GRIK2: variants seen among roughly 807,000 people sequenced by gnomAD.
The protein encoded by GRIK2 is glutamate ionotropic receptor kainate type subunit 2.
GRIK2 carries 32 observed loss-of-function variants against 100.3 expected under a neutral mutation model. The observed-to-expected ratio is 0.32, with a 90% CI of 0.24 to 0.43. GRIK2 has a LOEUF of 0.43. Ranked by LOEUF, GRIK2 falls within the 20% of genes least tolerant of loss-of-function variation. The pLI is 1.00. For missense variants in GRIK2, 843 were observed against 1,114.9 expected (o/e 0.76, Z 3.47); for synonymous variants, 417 against 389.4 (o/e 1.07, Z -0.83).
chr6:101,844,102 AAAAG>A (rs1324668917), intron 10 of GRIK2, among the ~76,000 whole-genome samples: 20 of 152,330 alleles, frequency 1.3e-4, no homozygotes, highest in African/African-American at 4.1e-4. Context: ...AATCAAGAAA[AAAAG>A]AAAGTAAAGG....
At chr6:101,682,240 G>A in intron 5 of GRIK2, among the ~76,000 whole-genome samples, 1 of 152,158 alleles carries the variant, frequency 6.6e-6, no homozygotes, top group South Asian at 2.1e-4. Context: ...CGTTACGAAT[G>A]TAACAAATTA....
intron 14 of GRIK2, among the ~76,000 whole-genome samples, chr6:101,976,312 G>A (rs988652602): frequency 1.3e-5 from 2 of 151,828 alleles, no homozygotes; most frequent in African/African-American, 2.4e-5. Context: ...TGGAATAAAT[G>A]GCTATATTTT....
intron 9 of GRIK2, among the ~76,000 whole-genome samples, chr6:101,816,552 G>A (rs901449992): frequency 6.6e-6 from 1 of 152,162 alleles, no homozygotes; most frequent in African/African-American, 2.4e-5. Flanking sequence ...TTAGCCGAGC[G>A]TGTTGGCGGG....
chr6:101,574,251 G>A (rs1441687139), intron 2 of GRIK2, among the ~76,000 whole-genome samples: 1 of 148,206 alleles, frequency 6.7e-6, no homozygotes, highest in African/African-American at 2.5e-5. Flanking sequence ...TTTTAGTTGA[G>A]GTAACTGTTG....
intron 9 of GRIK2, among the ~76,000 whole-genome samples, chr6:101,807,923 A>G (rs974898129): frequency 3.3e-5 from 5 of 152,074 alleles, no homozygotes; most frequent in African/African-American, 1.2e-4. Context: ...GAAGAATAGC[A>G]AAAATAAAAA....
chr6:101,538,066 G>A (rs921977063), intron 2 of GRIK2, among the ~76,000 whole-genome samples: 3 of 151,842 alleles, frequency 2.0e-5, no homozygotes, highest in Middle Eastern at 3.4e-3. Flanking sequence ...CAACAAGACT[G>A]TTCATAATAG....
intron 7 of GRIK2, among the ~76,000 whole-genome samples, chr6:101,788,240 G>A (rs1235990234): frequency 2.0e-5 from 3 of 150,640 alleles, no homozygotes; most frequent in Non-Finnish European, 4.4e-5. Flanking sequence ...TTAAGTTTTA[G>A]GGTACATGTG....
intron 2 of GRIK2, among the ~76,000 whole-genome samples, chr6:101,590,632 A>G (rs1042652720): frequency 6.6e-6 from 1 of 151,934 alleles, no homozygotes; most frequent in African/African-American, 2.4e-5. Flanking sequence ...GGATACCCTC[A>G]CACGTATTTT....
At chr6:101,562,484 A>AT (rs1400219604) in intron 2 of GRIK2, among the ~76,000 whole-genome samples, 3 of 151,722 alleles carry the variant, frequency 2.0e-5, no homozygotes, top group Non-Finnish European at 2.9e-5. Context: ...GATTACAGGC[A>AT]TGCACCACCA....
chr6:101,480,809 ATAT>A (rs1361598251), intron 2 of GRIK2, among the ~76,000 whole-genome samples: 1 of 152,198 alleles, frequency 6.6e-6, no homozygotes, highest in Non-Finnish European at 1.5e-5. Context: ...GGTCCTGGAA[ATAT>A]TAACCCATTA....
intron 7 of GRIK2, among the ~76,000 whole-genome samples, chr6:101,725,203 T>C (rs1774776541): frequency 6.6e-6 from 1 of 152,064 alleles, no homozygotes; most frequent in African/African-American, 2.4e-5. Flanking sequence ...AGCTATTGAT[T>C]TCTTTCCCTA....
chr6:101,926,303 C>T (rs1400377662), intron 13 of GRIK2, among the ~76,000 whole-genome samples: 1 of 149,908 alleles, frequency 6.7e-6, no homozygotes, highest in Non-Finnish European at 1.5e-5. Flanking sequence ...CGTCATATGG[C>T]ACAAGGTTAT....
intron 7 of GRIK2, among the ~76,000 whole-genome samples, chr6:101,721,694 A>G (rs1028531224): frequency 6.6e-6 from 1 of 151,754 alleles, no homozygotes; most frequent in Non-Finnish European, 1.5e-5. Context: ...TTTCTTTATT[A>G]CCTCTTTTAA....
intron 7 of GRIK2, among the ~76,000 whole-genome samples, chr6:101,785,911 A>G (rs897618395): frequency 4.6e-5 from 7 of 152,084 alleles, no homozygotes; most frequent in Non-Finnish European, 8.8e-5. Context: ...TGTTTTGGGT[A>G]GTATGGCCAT....
chr6:101,457,868 C>A (rs1272430709), intron 2 of GRIK2, among the ~76,000 whole-genome samples: 1 of 152,086 alleles, frequency 6.6e-6, no homozygotes, highest in Non-Finnish European at 1.5e-5. Context: ...AGGTAAGGAT[C>A]ATTCAATGTG....
intron 2 of GRIK2, among the ~76,000 whole-genome samples, chr6:101,566,995 T>C (rs1459075179): frequency 6.6e-6 from 1 of 151,076 alleles, no homozygotes; most frequent in Non-Finnish European, 1.5e-5. Context: ...ATAAAATATA[T>C]ATCTATTAAA....
At chr6:101,847,606 T>C (rs1008469173) in intron 10 of GRIK2, among the ~76,000 whole-genome samples, 1 of 152,082 alleles carries the variant, frequency 6.6e-6, no homozygotes, top group Non-Finnish European at 1.5e-5. Flanking sequence ...AAACTTCCCG[T>C]CTTTGTAGTT....
rs1241146076 is a variant in GRIK2, at chr6:101,863,808, A to T, written c.1524+4315A>T. Among the ~76,000 whole-genome samples, 6 of 152,198 alleles carry T rather than the reference A, an allele frequency of 3.9e-5. No individual in the cohort carries two copies. The East Asian group carries it at 1.2e-3, about 29-fold the overall frequency. On this transcript the variant is annotated intron_variant, in intron 11 of 16. Coordinates refer to ENST00000369134, the MANE Select transcript of GRIK2 (RefSeq NM_021956.5). ...CTGTCTTGAGTGACTTATATCATTTATACAATGGGAATAATGATACTCACT... is the reference window on the plus strand; with the variant it reads ...CTGTCTTGAGTGACTTATATCATTTTTACAATGGGAATAATGATACTCACT...
intron 15 of GRIK2, among the ~76,000 whole-genome samples, chr6:102,038,490 T>C (rs1011388682): frequency 2.0e-5 from 3 of 151,392 alleles, no homozygotes; most frequent in Non-Finnish European, 4.4e-5. Flanking sequence ...TTGTCTCTCT[T>C]TTGCTGTTCA....
Sources: gnomAD v4.1 joint callset for allele counts (sites outside exome capture counted in the v4.1 genomes callset) on GRCh38, gnomAD v4.1.1 for gene constraint, MANE v1.5 for transcripts, NCBI Gene and HGNC (gene_info 2026-07-23, HGNC 2026-07-21) for gene names.